The following CDH3 variants were observed in gnomAD, a reference collection of about 807,000 sequenced individuals.
CDH3 encodes cadherin-3.
CDH3 carries 54 observed loss-of-function variants against 82.0 expected under a neutral mutation model. The observed-to-expected ratio is 0.66, with a 90% confidence interval of 0.53 to 0.83. CDH3 has a LOEUF of 0.83. Among genes scored for constraint, CDH3 ranks in the 40% least tolerant of loss-of-function variants. The probability of loss-of-function intolerance (pLI) is 0.00; values close to 1 mark genes in which losing one functional copy is unlikely to be tolerated. For synonymous variants in CDH3, 446 were observed against 437.9 expected, an observed-to-expected ratio of 1.02 and a Z score of -0.23; for missense variants, 1,054 against 1,084.6, an observed-to-expected ratio of 0.97 and a Z score of 0.40.
At chr16:68,706,669 C>G (rs1961968915) in intron 1 of CDH3, among the ~76,000 whole-genome samples, 1 of 149,532 alleles carries the variant, frequency 6.7e-6, no homozygotes, top group African/African-American at 2.5e-5. Context: ...TCTCGTGCCT[C>G]AGCCTCCTGA....
Position 68,670,135 on chromosome 16 carries a change from A to G in CDH3, c.161-6250A>G, listed in dbSNP as rs575158762. ...GCTACTCGGGAGGCTGAGGCAGGAG[A>G]ATGACGTGAACCTAGAAGGCGGAGC... On this transcript the variant is annotated intron_variant, in intron 2 of 15. Transcript: ENST00000264012. Among the ~76,000 whole-genome samples, 6 of 150,568 alleles carry G rather than the reference A, an allele frequency of 4.0e-5. No individual in the cohort carries two copies. In the East Asian group the frequency reaches 1.2e-3, roughly 29 times the overall value.
At chr16:68,659,496 A>ACCTGG (rs1462653062) in intron 2 of CDH3, among the ~76,000 whole-genome samples, 1 of 151,628 alleles carries the variant, frequency 6.6e-6, no homozygotes, top group South Asian at 2.1e-4. Context: ...AATCGCTTGA[A>ACCTGG]CCTGGGAGAT....
At chr16:68,706,570 T>TTTGTG (rs1961967226) in intron 1 of CDH3, among the ~76,000 whole-genome samples, 1 of 135,938 alleles carries the variant, frequency 7.4e-6, no homozygotes, top group African/African-American at 3.0e-5. Flanking sequence ...TTTTTTTTTT[T>TTTGTG]GAGACAGAGT....
rs1466831793 is a variant in CDH3 at position 68,660,741 on chromosome 16, G to A, written c.160+14991G>A. Among the ~76,000 whole-genome samples, 4 of 152,096 alleles carry A rather than the reference G, an allele frequency of 2.6e-5. No homozygotes were observed. In the South Asian group the frequency reaches 6.2e-4, roughly 24 times the overall value. On this transcript the variant is annotated intron_variant, in intron 2 of 15. Coordinates refer to ENST00000264012, the MANE Select transcript of CDH3 (RefSeq NM_001793.6). ...TGGGAGGCCGAGGCCGGCAGATCACGAGGTCAGGAGATCGAGACTATCCTG... is the reference window on the plus strand; with the variant it reads ...TGGGAGGCCGAGGCCGGCAGATCACAAGGTCAGGAGATCGAGACTATCCTG...
downstream of CDH3, among the ~76,000 whole-genome samples, chr16:68,731,647 G>T (rs1419843035): frequency 6.7e-6 from 1 of 149,422 alleles, no homozygotes; most frequent in Non-Finnish European, 1.5e-5. Flanking sequence ...GACCAGCCTG[G>T]GCAACAAGAT....
chr16:68,652,002 C>T (rs1886700), intron 2 of CDH3: 36,742 of 207,582 alleles, frequency 0.18, 3,668 homozygotes, highest in East Asian at 0.23. Context: ...AGGTGACCAA[C>T]GGGCCCTAAT....
rs147749825 is a variant in CDH3, at chr16:68,669,078, C to T, written c.161-7307C>T. On this transcript the variant is annotated intron_variant, in intron 2 of 15. Transcript: ENST00000264012. Reference sequence around the variant, plus strand: ...TCCAAGTCTTCTGGACTCCAAATTTCGTATTCTTCATTATTTCCCTGCCTT... The same window carrying T: ...TCCAAGTCTTCTGGACTCCAAATTTTGTATTCTTCATTATTTCCCTGCCTT... Among the ~76,000 whole-genome samples the T allele has an allele frequency of 3.9e-3, 600 of 152,294 alleles. 2 individuals carry two copies. Among genetic ancestry groups the T allele is most frequent in the Middle Eastern group, 6.8e-3 (2 of 294 alleles).
chr16:68,689,882 G>C (rs1236072604), intron 12 of CDH3, among the ~76,000 whole-genome samples: 9 of 152,180 alleles, frequency 5.9e-5, no homozygotes, highest in Non-Finnish European at 5.9e-5. Flanking sequence ...GATTGCCCCA[G>C]TGATTGGGGG....
Position 68,682,451 on chromosome 16 carries a change from C to A in CDH3, c.1146C>A (p.His382Gln). 1 of 1,614,128 alleles carries A rather than the reference C, an allele frequency of 6.2e-7. No homozygotes were observed. The highest frequency in any genetic ancestry group is 8.5e-7 in the Non-Finnish European group (1 of 1,180,040). The change falls in exon 9 of 16, where the codon CAC (histidine) becomes CAA (glutamine). Residue 382 changes from histidine (H) to glutamine (Q), a missense_variant. Physicochemically the swap from His to Gln is conservative, Grantham distance 24. Transcript: ENST00000264012. Reference sequence around the variant, plus strand: ...GGGACCATTTTACCATCACCACCCACCCTGAGAGCAACCAGGGCATCCTGA... The same window carrying A: ...GGGACCATTTTACCATCACCACCCAACCTGAGAGCAACCAGGGCATCCTGA... ...DDGDHFTITTHPESNQGILTT... is the reference protein window; with the variant it reads ...DDGDHFTITTQPESNQGILTT...
At chr16:68,693,691 C>A (rs2152106188) in intron 13 of CDH3, among the ~76,000 whole-genome samples, 1 of 152,260 alleles carries the variant, frequency 6.6e-6, no homozygotes. Flanking sequence ...AACCCGTGGA[C>A]TCCCAAGGAA....
chr16:68,669,944 C>T lies in CDH3; in HGVS notation c.161-6441C>T, dbSNP rs116313596. On this transcript the variant is annotated intron_variant, in intron 2 of 15. Coordinates refer to ENST00000264012, the MANE Select transcript of CDH3 (RefSeq NM_001793.6). ...GACCAGCCTGGGAAACAGCAAGACC[C>T]TGTATCTACCAAAAAAATAAAAGTG... is the stretch of plus-strand genomic sequence containing the variant. 5.4e-3 allele frequency among the ~76,000 whole-genome samples: 818 copies of T among 152,058 alleles called. 8 individuals are homozygous for T. Among genetic ancestry groups the T allele is most frequent in the African/African-American group, 0.019 (777 of 41,472 alleles).
chr16:68,671,585 G>A (rs1219767143), intron 2 of CDH3, among the ~76,000 whole-genome samples: 2 of 145,194 alleles, frequency 1.4e-5, no homozygotes, highest in Admixed American at 7.1e-5. Context: ...GAGGTGGTGC[G>A]ATCTCGGCTT....
intron 2 of CDH3, among the ~76,000 whole-genome samples, chr16:68,657,419 TAGA>T (rs1382130456): frequency 6.6e-6 from 1 of 151,962 alleles, no homozygotes; most frequent in African/African-American, 2.4e-5. Flanking sequence ...GAGGCTGAGG[TAGA>T]AGAATTGCTT....
chr16:68,657,492 C>T (rs1347276037), intron 2 of CDH3, among the ~76,000 whole-genome samples: 2 of 152,098 alleles, frequency 1.3e-5, no homozygotes, highest in South Asian at 2.1e-4. Flanking sequence ...CCAGCCTGGG[C>T]GACAGAGCAA....
At chr16:68,732,179 G>A (rs556930957), downstream of CDH3, among the ~76,000 whole-genome samples, 2 of 151,984 alleles carry the variant, frequency 1.3e-5, no homozygotes, top group South Asian at 4.1e-4. Context: ...GGTTTCAGGA[G>A]CCTCTAGGAG....
At chr16:68,726,959 T>G (rs1287070038) in intron 2 of CDH3, among the ~76,000 whole-genome samples, 1 of 152,166 alleles carries the variant, frequency 6.6e-6, no homozygotes, top group Non-Finnish European at 1.5e-5. Context: ...AGATAGCTCA[T>G]AAAGCATTAT....
chr16:68,698,238 C>T lies in CDH3; in HGVS notation c.2328C>T (p.Thr776=), dbSNP rs533697652. Residue 776 remains threonine, a synonymous_variant, in exon 16 of 16, where the codon ACC becomes ACT. Coordinates refer to ENST00000264012, the MANE Select transcript of CDH3 (RefSeq NM_001793.6). ...NTDPTAPPYD[T]LLVFDYEGSG... is the part of the protein sequence containing the mutation. ...ACCCCACAGCCCCGCCCTACGACAC[C>T]CTCTTGGTGTTCGACTATGAGGGCA... The T allele has an allele frequency of 6.2e-7, 1 of 1,614,234 alleles. No individual in the cohort carries two copies. The highest frequency in any genetic ancestry group is 2.2e-5 in the East Asian group (1 of 44,886).
chr16:68,731,947 CA>C (rs984051969), downstream of CDH3, among the ~76,000 whole-genome samples: 1 of 151,846 alleles, frequency 6.6e-6, no homozygotes, highest in Non-Finnish European at 1.5e-5. Context: ...TTAAAAATTG[CA>C]AAAAACTACT....
chr16:68,698,041 T>G, intron 15 of CDH3, 150 bp from the exon 16 acceptor site: 1 of 768,520 alleles, frequency 1.3e-6, no homozygotes, highest in East Asian at 2.7e-5. Context: ...CCTGAGTGAA[T>G]GAATTCTGCA....
Sources: gnomAD v4.1 joint callset for allele counts (sites outside exome capture counted in the v4.1 genomes callset) on GRCh38, gnomAD v4.1.1 for gene constraint, MANE v1.5 for transcripts, NCBI Gene and HGNC (gene_info 2026-07-23, HGNC 2026-07-21) for gene names.